The following RIPOR2 variants were observed in gnomAD, a reference collection of about 807,000 sequenced individuals.
RIPOR2 encodes the protein rho family-interacting cell polarization regulator 2.
In RIPOR2, 39 loss-of-function variants were observed where a neutral mutation model predicts 114.5. That is an observed-to-expected ratio of 0.34 (90% confidence interval 0.26 to 0.44). RIPOR2 has a LOEUF of 0.44. RIPOR2 is among the 20% of genes least tolerant of loss of function. RIPOR2 has a pLI of 1.00. For synonymous variants in RIPOR2, 445 were observed against 484.4 expected (o/e 0.92, Z 1.07); for missense variants, 1,007 against 1,255.1 (o/e 0.80, Z 2.99).
intron 5 of RIPOR2, among the ~76,000 whole-genome samples, chr6:24,869,676 T>C (rs1387954517): frequency 6.6e-6 from 1 of 152,174 alleles, no homozygotes; most frequent in Non-Finnish European, 1.5e-5. Flanking sequence ...TTGAATTAGT[T>C]ATCGGAATCC....
At chr6:24,978,379 CCATACT>C (rs1455544453) in intron 1 of RIPOR2, among the ~76,000 whole-genome samples, 17 of 152,176 alleles carry the variant, frequency 1.1e-4, no homozygotes, top group Non-Finnish European at 2.4e-4. Context: ...CTCTGTGCCG[CCATACT>C]GCTCGCATGA....
chr6:24,923,462 G>T (rs1207604298), intron 1 of RIPOR2, among the ~76,000 whole-genome samples: 4 of 151,906 alleles, frequency 2.6e-5, no homozygotes, highest in African/African-American at 9.7e-5. Flanking sequence ...TTTTTGTAGT[G>T]GCTGTACCAT....
intron 15 of RIPOR2, among the ~76,000 whole-genome samples, chr6:24,833,432 C>T (rs934804531): frequency 5.9e-5 from 9 of 152,014 alleles, no homozygotes; most frequent in South Asian, 2.1e-4. Flanking sequence ...ACCCTGGAGG[C>T]GGAGGCTGCA....
Position 24,927,106 on chromosome 6 carries a change from C to T in RIPOR2, c.61+8732G>A. 3.9e-3 allele frequency among the ~76,000 whole-genome samples: 2 copies of T among 516 alleles called. 1 individual carries two copies. Among genetic ancestry groups the T allele is most frequent in the Non-Finnish European group, 5.7e-3 (2 of 350 alleles). The allele number at this position is 516 out of a possible 152,430, so 0.3% of individuals were successfully genotyped here. On this transcript the variant is annotated intron_variant, in intron 1 of 21. Transcript: ENST00000643898. ...CAATCACCACCACCATCACCACCAC[C>T]ACCATGATTATTATAATCATCATCT...
At chr6:25,007,346 T>C (rs571835967) in intron 1 of RIPOR2, among the ~76,000 whole-genome samples, 1 of 152,264 alleles carries the variant, frequency 6.6e-6, no homozygotes, top group African/African-American at 2.4e-5. Context: ...GTTGAAGAAG[T>C]GAGCACAAAG....
chr6:24,839,458 C>A, intron 13 of RIPOR2, 186 bp from the exon 14 acceptor site: 2 of 1,434,672 alleles, frequency 1.4e-6, no homozygotes, highest in South Asian at 1.4e-5. Context: ...GATAAAATGG[C>A]ACAATATCTG....
At chr6:24,943,644 A>G (rs765441345) in intron 1 of RIPOR2, among the ~76,000 whole-genome samples, 5 of 152,048 alleles carry the variant, frequency 3.3e-5, no homozygotes, top group African/African-American at 4.8e-5. Context: ...CAATAGAACA[A>G]TGAGTTTTAT....
chr6:24,861,865 GT>G (rs1764102501), intron 7 of RIPOR2, among the ~76,000 whole-genome samples: 1 of 152,206 alleles, frequency 6.6e-6, no homozygotes, highest in African/African-American at 2.4e-5. Context: ...AAGGCATATG[GT>G]GTTCAATGTA....
intron 1 of RIPOR2, chr6:24,929,459 G>T (rs1435281265): frequency 1.3e-5 from 2 of 152,116 alleles, no homozygotes; most frequent in Non-Finnish European, 2.9e-5. Context: ...TGAATGATGA[G>T]GAAGTACAAG....
At chr6:24,888,578 C>T (rs183804179) in intron 1 of RIPOR2, among the ~76,000 whole-genome samples, 31 of 152,304 alleles carry the variant, frequency 2.0e-4, no homozygotes, top group African/African-American at 6.5e-4. Flanking sequence ...TATAATTACA[C>T]ACCATGTGCT....
At chr6:24,893,986 A>T (rs36048953) in intron 1 of RIPOR2, among the ~76,000 whole-genome samples, 16,607 of 152,206 alleles carry the variant, frequency 0.11, 1,017 homozygotes, top group South Asian at 0.16. Flanking sequence ...CCATGTAGGG[A>T]AGTTAGGTGT....
At chr6:25,009,628 C>T (rs76245891) in intron 1 of RIPOR2, among the ~76,000 whole-genome samples, 7,532 of 152,204 alleles carry the variant, frequency 0.049, 412 homozygotes, top group African/African-American at 0.14. Flanking sequence ...TGTAAATCAG[C>T]GGTTCAGTAT....
intron 1 of RIPOR2, among the ~76,000 whole-genome samples, chr6:25,006,598 TC>T (rs1775571595): frequency 6.6e-6 from 1 of 152,188 alleles, no homozygotes; most frequent in Non-Finnish European, 1.5e-5. Context: ...GAAGAGTTCA[TC>T]CCCTGTGTCC....
At chr6:24,921,176 T>G (rs1770450796) in intron 1 of RIPOR2, among the ~76,000 whole-genome samples, 1 of 152,108 alleles carries the variant, frequency 6.6e-6, no homozygotes, top group Admixed American at 6.5e-5. Flanking sequence ...CTCTTTTTTT[T>G]TGAGGAGACA....
At position 24,914,568 on chromosome 6, in the gene RIPOR2, T is replaced by C. The variant is rs1294090990; in HGVS notation, c.61+21270A>G. On this transcript the variant is annotated intron_variant, in intron 1 of 21. Transcript: ENST00000643898. ...ATGGGTGCTATAGGAACTGTGATTATTTTTTATACCATAAAACAAAGTGTT... is the reference window on the plus strand; with the variant it reads ...ATGGGTGCTATAGGAACTGTGATTACTTTTTATACCATAAAACAAAGTGTT... Among the ~76,000 whole-genome samples the C allele has an allele frequency of 2.6e-5, 4 of 152,322 alleles. No individual in the cohort carries two copies. In the East Asian group the frequency reaches 7.7e-4, roughly 29 times the overall value.
At chr6:24,904,976 T>C (rs1768824183) in intron 1 of RIPOR2, among the ~76,000 whole-genome samples, 1 of 152,126 alleles carries the variant, frequency 6.6e-6, no homozygotes, top group Non-Finnish European at 1.5e-5. Context: ...ATCTTCACCA[T>C]GTTGGCCAGG....
chr6:24,942,143 G>A (rs1038237354), intron 1 of RIPOR2, among the ~76,000 whole-genome samples: 6 of 151,996 alleles, frequency 3.9e-5, no homozygotes, highest in Non-Finnish European at 8.8e-5. Context: ...GTCACTGGGT[G>A]GCAAAATAAG....
intron 1 of RIPOR2, among the ~76,000 whole-genome samples, chr6:24,982,735 A>G (rs1042045379): frequency 2.0e-5 from 3 of 152,180 alleles, no homozygotes; most frequent in Non-Finnish European, 4.4e-5. Context: ...CCTCCACTAA[A>G]AACGATCTAA....
upstream of RIPOR2, among the ~76,000 whole-genome samples, chr6:24,938,190 A>G (rs1204918890): frequency 1.3e-5 from 2 of 152,208 alleles, no homozygotes; most frequent in Admixed American, 6.5e-5. Context: ...AATATGACTA[A>G]CTTCCTCATA....
Sources: gnomAD v4.1 joint callset for allele counts (sites outside exome capture counted in the v4.1 genomes callset) on GRCh38, gnomAD v4.1.1 for gene constraint, MANE v1.5 for transcripts, NCBI Gene and HGNC (gene_info 2026-07-23, HGNC 2026-07-21) for gene names.